Variants in SORBS2 observed in about 807,000 individuals in gnomAD.
The protein encoded by SORBS2 is sorbin and SH3 domain containing 2.
Under a neutral mutation model 97.7 loss-of-function variants are expected in SORBS2, and 46 were observed. That is an observed-to-expected ratio of 0.47 (90% CI 0.37 to 0.60). The LOEUF is 0.60. Ranked by LOEUF, SORBS2 falls within the 20% of genes least tolerant of loss-of-function variation. The pLI, the probability that SORBS2 is intolerant of heterozygous loss-of-function variation, is 0.00. For missense variants in SORBS2, 1,316 were observed against 1,282.3 expected, an observed-to-expected ratio of 1.03 and a Z score of -0.40; for synonymous variants, 476 against 473.4, an observed-to-expected ratio of 1.01 and a Z score of -0.07.
intron 1 of SORBS2, among the ~76,000 whole-genome samples, chr4:185,794,193 T>G (rs2099094736): frequency 6.6e-6 from 1 of 152,196 alleles, no homozygotes; most frequent in Admixed American, 6.5e-5. Context: ...TTTTGGATTT[T>G]AAAAATAACC....
At chr4:185,639,718 A>T (rs1276089099) in intron 4 of SORBS2, among the ~76,000 whole-genome samples, 1 of 152,176 alleles carries the variant, frequency 6.6e-6, no homozygotes, top group African/African-American at 2.4e-5. Flanking sequence ...TTCTAAGAAA[A>T]ATTATATGGT....
chr4:185,768,914 A>T (rs1485748781), intron 2 of SORBS2, among the ~76,000 whole-genome samples: 1 of 152,232 alleles, frequency 6.6e-6, no homozygotes, highest in East Asian at 1.9e-4. Flanking sequence ...AAGTGAAAAA[A>T]GTAAGTGGCC....
intron 1 of SORBS2, among the ~76,000 whole-genome samples, chr4:185,842,845 G>A (rs2099212399): frequency 6.6e-6 from 1 of 150,382 alleles, no homozygotes. Context: ...TGAGGCAAGG[G>A]AATCGCTTGG....
At chr4:185,738,926 T>C (rs987966162) in intron 2 of SORBS2, among the ~76,000 whole-genome samples, 19 of 152,368 alleles carry the variant, frequency 1.2e-4, no homozygotes, top group African/African-American at 4.1e-4. Context: ...TTGGAAGTGA[T>C]ACCAGTGCAA....
rs146777053 is a variant in SORBS2 at position 185,949,637 on chromosome 4, T to C, written c.-338+6559A>G. Among the ~76,000 whole-genome samples, 49 of 152,166 alleles carry C rather than the reference T, an allele frequency of 3.2e-4. No homozygotes were observed. In the East Asian group the frequency reaches 8.5e-3, roughly 26 times the overall value. ...TTAAAAAATTGAATTTTAACAATCATAACTGTGCAGCAGTGTGGATAATAG... is the reference window on the plus strand; with the variant it reads ...TTAAAAAATTGAATTTTAACAATCACAACTGTGCAGCAGTGTGGATAATAG... On this transcript the variant is annotated intron_variant, in intron 1 of 20. Coordinates refer to the SORBS2 transcript ENST00000284776.
At chr4:185,800,731 G>A (rs4861680) in intron 1 of SORBS2, among the ~76,000 whole-genome samples, 35,647 of 151,840 alleles carry the variant, frequency 0.23, 4,358 homozygotes, top group Middle Eastern at 0.3. Flanking sequence ...AATTGTACCT[G>A]TTGCTTCCAT....
intron 5 of SORBS2, among the ~76,000 whole-genome samples, chr4:185,629,534 A>G (rs960463754): frequency 1.4e-5 from 2 of 145,988 alleles, no homozygotes; most frequent in Admixed American, 1.4e-4. Flanking sequence ...CTATTGAACT[A>G]TGTCTGAATA....
At chr4:185,694,738 A>C (rs2098150157) in intron 2 of SORBS2, among the ~76,000 whole-genome samples, 1 of 107,542 alleles carries the variant, frequency 9.3e-6, no homozygotes, top group East Asian at 3.4e-4. Flanking sequence ...ACGGAGTCTC[A>C]CTCTGCCGCC....
At chr4:185,587,237 G>C (rs940635205) in exon 15 of SORBS2, 5 of 201,944 alleles carry the variant, frequency 2.5e-5, no homozygotes, top group Non-Finnish European at 5.0e-5. Context: ...GGTCGTCTTG[G>C]GGGAGAACAT....
At chr4:185,846,486 T>C (rs985575150) in intron 1 of SORBS2, among the ~76,000 whole-genome samples, 2 of 152,194 alleles carry the variant, frequency 1.3e-5, no homozygotes, top group Non-Finnish European at 2.9e-5. Context: ...TGTAATTTGA[T>C]ACATTTTTCA....
At chr4:185,605,361 C>A (rs967141244) in intron 12 of SORBS2, among the ~76,000 whole-genome samples, 3 of 152,264 alleles carry the variant, frequency 2.0e-5, no homozygotes, top group Non-Finnish European at 2.9e-5. Flanking sequence ...CAGTTCACTG[C>A]AACCTCCGCC....
At chr4:185,857,824 T>A (rs1314454197) in intron 1 of SORBS2, among the ~76,000 whole-genome samples, 1 of 152,182 alleles carries the variant, frequency 6.6e-6, no homozygotes, top group Non-Finnish European at 1.5e-5. Flanking sequence ...TCCAGCCCGG[T>A]GAATTCTAGT....
chr4:185,710,784 G>A (rs190674050), intron 2 of SORBS2, among the ~76,000 whole-genome samples: 447 of 152,320 alleles, frequency 2.9e-3, no homozygotes, highest in Non-Finnish European at 5.0e-3. Flanking sequence ...CTCATGCAGC[G>A]TGGGAGGTGA....
rs1299377749 is a variant in SORBS2 at position 185,946,408 on chromosome 4, A to G, written c.-338+9788T>C. On this transcript the variant is annotated intron_variant, in intron 1 of 20. Coordinates refer to the SORBS2 transcript ENST00000284776. ...AAACAGGGATGGGTTGGAAAGAGCA[A>G]CAAGCCTACAAATATGTTTTGTAAG... is the stretch of plus-strand genomic sequence containing the variant. Among the ~76,000 whole-genome samples, 3 of 152,206 alleles carry G rather than the reference A, an allele frequency of 2.0e-5. 1 individual carries two copies. In the East Asian group the frequency reaches 5.8e-4, roughly 29 times the overall value.
intron 1 of SORBS2, among the ~76,000 whole-genome samples, chr4:185,895,814 T>G (rs2099244742): frequency 6.6e-6 from 1 of 152,258 alleles, no homozygotes; most frequent in Admixed American, 6.5e-5. Flanking sequence ...ATAGTTTTCC[T>G]GAAAGAATTT....
intron 1 of SORBS2, among the ~76,000 whole-genome samples, chr4:185,944,731 A>G (rs1200058048): frequency 6.6e-6 from 1 of 152,230 alleles, no homozygotes; most frequent in Non-Finnish European, 1.5e-5. Context: ...ATCCTGGAAA[A>G]TGAAGACAAG....
chr4:185,645,134 C>T (rs2097187053), intron 4 of SORBS2, among the ~76,000 whole-genome samples: 1 of 152,138 alleles, frequency 6.6e-6, no homozygotes, highest in Non-Finnish European at 1.5e-5. Context: ...AATCCTGTTT[C>T]CTGACACCAC....
At chr4:185,586,144 AAT>A (rs3842593) in exon 15 of SORBS2, 127,064 of 152,366 alleles carry the variant, frequency 0.83, 53,701 homozygotes, top group East Asian at 0.91. Flanking sequence ...TGAAAAGATC[AAT>A]ATCACTGTCC....
At chr4:185,903,476 C>T (rs1284805712) in intron 1 of SORBS2, among the ~76,000 whole-genome samples, 1 of 152,178 alleles carries the variant, frequency 6.6e-6, no homozygotes, top group Admixed American at 6.5e-5. Context: ...TCTGGAACAA[C>T]ATTGTGGGGA....
Sources: gnomAD v4.1 joint callset for allele counts (sites outside exome capture counted in the v4.1 genomes callset) on GRCh38, gnomAD v4.1.1 for gene constraint, MANE v1.5 for transcripts, NCBI Gene and HGNC (gene_info 2026-07-23, HGNC 2026-07-21) for gene names.